Variants in SDK1 observed in about 807,000 individuals in gnomAD.
SDK1 encodes the protein protein sidekick-1.
SDK1 carries 157 observed loss-of-function variants against 245.5 expected under a neutral mutation model. The observed-to-expected ratio is 0.64, with a 90% CI of 0.56 to 0.73. The LOEUF is 0.73. SDK1 is among the 30% of genes least tolerant of loss of function. The pLI, the probability that SDK1 is intolerant of heterozygous loss-of-function variation, is 0.00. For missense variants in SDK1, 3,583 were observed against 3,002.3 expected (o/e 1.19, Z -4.52); for synonymous variants, 1,647 against 1,278.5 (o/e 1.29, Z -6.15).
chr7:3,782,826 G>C (rs1009393058), intron 4 of SDK1, among the ~76,000 whole-genome samples: 8 of 152,106 alleles, frequency 5.3e-5, no homozygotes, highest in African/African-American at 1.9e-4. Flanking sequence ...ATTCTAAGTT[G>C]AACTTTTATA....
At chr7:3,424,504 T>A (rs1309785316) in intron 1 of SDK1, among the ~76,000 whole-genome samples, 2 of 152,108 alleles carry the variant, frequency 1.3e-5, no homozygotes, top group Admixed American at 6.6e-5. Context: ...GGAAGAAAAA[T>A]GAGAAATTTG....
intron 25 of SDK1, among the ~76,000 whole-genome samples, chr7:4,122,319 G>A (rs1784118161): frequency 1.3e-5 from 2 of 152,186 alleles, no homozygotes; most frequent in South Asian, 2.1e-4. Flanking sequence ...GAAATGGGGG[G>A]AGGCAGGGAT....
chr7:4,087,675 A>C (rs1781512654), intron 22 of SDK1, among the ~76,000 whole-genome samples: 1 of 152,230 alleles, frequency 6.6e-6, no homozygotes, highest in Admixed American at 6.5e-5. Context: ...GCTCTCAAAA[A>C]GGCAGGAAAA....
chr7:3,803,581 G>C (rs1463899386), intron 4 of SDK1, among the ~76,000 whole-genome samples: 1 of 151,894 alleles, frequency 6.6e-6, no homozygotes, highest in African/African-American at 2.4e-5. Flanking sequence ...AAAGTGCTGA[G>C]ATTACAGGCT....
chr7:3,653,007 T>G (rs892019947), intron 4 of SDK1, among the ~76,000 whole-genome samples: 4 of 152,246 alleles, frequency 2.6e-5, no homozygotes, highest in African/African-American at 7.2e-5. Context: ...ACGTCCTCTC[T>G]TCCTCACTTT....
At chr7:3,945,798 C>T (rs762655238) in intron 5 of SDK1, among the ~76,000 whole-genome samples, 1 of 144,750 alleles carries the variant, frequency 6.9e-6, no homozygotes, top group Non-Finnish European at 1.5e-5. Context: ...ACCCAGGAGG[C>T]TGAGGCAGGA....
At chr7:3,633,032 A>G (rs963582944) in intron 2 of SDK1, among the ~76,000 whole-genome samples, 1 of 152,220 alleles carries the variant, frequency 6.6e-6, no homozygotes, top group Non-Finnish European at 1.5e-5. Flanking sequence ...TGTATTTCCA[A>G]GAAGGACATA....
intron 22 of SDK1, among the ~76,000 whole-genome samples, chr7:4,104,167 C>T (rs1271703542): frequency 2.0e-5 from 3 of 152,230 alleles, no homozygotes; most frequent in African/African-American, 7.2e-5. Flanking sequence ...TCAAGCGATC[C>T]TCCTGCCTCA....
intron 20 of SDK1, among the ~76,000 whole-genome samples, chr7:4,071,771 C>A (rs1210670130): frequency 1.3e-5 from 2 of 152,334 alleles, no homozygotes; most frequent in South Asian, 4.1e-4. Context: ...TACCACTGAT[C>A]CCAGAAACGG....
chr7:3,652,834 T>A (rs745708379), intron 4 of SDK1, among the ~76,000 whole-genome samples: 1 of 152,268 alleles, frequency 6.6e-6, no homozygotes, highest in South Asian at 2.1e-4. Flanking sequence ...GCGAGGGTCA[T>A]GTTGAGGCTG....
intron 1 of SDK1, among the ~76,000 whole-genome samples, chr7:3,568,659 C>G (rs1562568975): frequency 6.6e-6 from 1 of 152,164 alleles, no homozygotes; most frequent in Non-Finnish European, 1.5e-5. Context: ...AAAGGGCAGA[C>G]CTGTGGCAGA....
At chr7:3,872,301 G>A (rs1780976315) in intron 5 of SDK1, among the ~76,000 whole-genome samples, 1 of 152,080 alleles carries the variant, frequency 6.6e-6, no homozygotes, top group African/African-American at 2.4e-5. Context: ...TAGGGTAAAT[G>A]CTAGTCTCAT....
chr7:3,397,479 TTC>T (rs1491558720), intron 1 of SDK1, among the ~76,000 whole-genome samples: 9 of 128,496 alleles, frequency 7.0e-5, no homozygotes, highest in African/African-American at 4.2e-5. Flanking sequence ...AGTCTTTTCT[TTC>T]CCCCCCCCAG....
At chr7:3,440,147 CCTGAGTAGTGTGATGG>C (rs1172087069) in intron 1 of SDK1, among the ~76,000 whole-genome samples, 1 of 152,132 alleles carries the variant, frequency 6.6e-6, no homozygotes, top group East Asian at 1.9e-4. Context: ...TGTGCACCGT[CCTGAGTAGTGTGATGG>C]AATCTCGCAC....
chr7:3,413,994 G>A (rs1270588727), intron 1 of SDK1, among the ~76,000 whole-genome samples: 1 of 152,076 alleles, frequency 6.6e-6, no homozygotes, highest in East Asian at 1.9e-4. Context: ...AGATAACTTG[G>A]GCTGCTGAGT....
intron 1 of SDK1, among the ~76,000 whole-genome samples, chr7:3,394,315 G>C (rs1194173059): frequency 1.3e-5 from 2 of 152,170 alleles, no homozygotes; most frequent in Non-Finnish European, 2.9e-5. Flanking sequence ...CTAGTGTATT[G>C]CCTTGGCATG....
intron 1 of SDK1, among the ~76,000 whole-genome samples, chr7:3,604,715 G>C (rs1337559229): frequency 6.7e-6 from 1 of 149,982 alleles, no homozygotes; most frequent in Non-Finnish European, 1.5e-5. Context: ...TGATTCTGCT[G>C]CCTCAGCCTC....
At chr7:3,388,129 T>G (rs1781655609) in intron 1 of SDK1, among the ~76,000 whole-genome samples, 1 of 152,196 alleles carries the variant, frequency 6.6e-6, no homozygotes, top group African/African-American at 2.4e-5. Context: ...TGCACCACAT[T>G]TGTGACTGTG....
At chr7:3,470,997 T>A (rs984315385) in intron 1 of SDK1, among the ~76,000 whole-genome samples, 6 of 152,198 alleles carry the variant, frequency 3.9e-5, no homozygotes, top group Non-Finnish European at 8.8e-5. Flanking sequence ...CTCCTCCTTA[T>A]AAACACCCCA....
Sources: allele counts gnomAD v4.1 joint callset (sites outside exome capture counted in the v4.1 genomes callset), GRCh38; gene constraint gnomAD v4.1.1; transcripts MANE v1.5; gene names NCBI Gene and HGNC (gene_info 2026-07-23, HGNC 2026-07-21).